LSM5: variants seen among roughly 807,000 people sequenced by gnomAD.
The protein encoded by LSM5 is U6 snRNA-associated Sm-like protein LSm5.
Under a neutral mutation model 13.8 loss-of-function variants are expected in LSM5, and 8 were observed. The ratio of observed to expected loss-of-function variants is 0.58; its 90% CI spans 0.34 to 1.04. LSM5 has a LOEUF of 1.04. LSM5 is among the 50% of genes least tolerant of loss of function. LSM5 has a pLI of 0.03. For missense variants in LSM5, 80 were observed against 108.1 expected, an observed-to-expected ratio of 0.74 and a Z score of 1.15; for synonymous variants, 35 against 37.0, an observed-to-expected ratio of 0.95 and a Z score of 0.20.
intron 2 of LSM5, 162 bp downstream of exon 2, chr7:32,489,087 G>A: frequency 1.8e-6 from 1 of 565,152 alleles, no homozygotes; most frequent in Non-Finnish European, 3.2e-6. Flanking sequence ...TTGTTGATAG[G>A]AACTTTACCG....
rs757373313 is a variant in LSM5 at position 32,488,650 on chromosome 7, T to C, written c.145A>G (p.Met49Val). 2 of 1,590,900 alleles carry C rather than the reference T, an allele frequency of 1.3e-6. No homozygotes were observed. Among genetic ancestry groups the C allele is most frequent in the Non-Finnish European group, 1.7e-6 (2 of 1,159,378 alleles). ...AACTCAGTGACATCTTCCAGTACCA[T>C]ATCTGAAATTTGGTGTTAAGAAAAT... ...TLLGFDDFVN[M>V]VLEDVTEFEI... Residue 49 changes from methionine (M) to valine (V), a missense_variant and splice_region_variant, in exon 3 of 5, where the codon ATG (methionine) becomes GTG (valine). Coordinates refer to ENST00000450169, the MANE Select transcript of LSM5 (RefSeq NM_012322.3).
At chr7:32,488,774 A>G in intron 2 of LSM5, 122 bp from the exon 3 acceptor site, 1 of 696,002 alleles carries the variant, frequency 1.4e-6, no homozygotes. Context: ...TCCAGGCTTA[A>G]GTGCAGTGGT....
chr7:32,490,271 A>AT (rs764086696), intron 1 of LSM5, 49 bp downstream of exon 1: 1 of 1,613,954 alleles, frequency 6.2e-7, no homozygotes, highest in Admixed American at 1.7e-5. Context: ...TCGGCCCCCA[A>AT]TCCTGAATGT....
rs1786432218 is a variant in LSM5, at chr7:32,485,942, C to CAAAAAACAAA, written c.*1318_*1319insTTTGTTTTTT. On this transcript the variant is annotated 3_prime_UTR_variant, in exon 5 of 5. Coordinates refer to ENST00000450169, the MANE Select transcript of LSM5 (RefSeq NM_012322.3). ...GCCACTGCATTCCAGTGAGACTCTC[C>CAAAAAACAAA]AAAAAAAAAAAAAAAAAAAAAAAAA... The CAAAAAACAAA allele has an allele frequency of 8.7e-6, 1 of 114,544 alleles. No homozygotes were observed. The highest frequency in any genetic ancestry group is 1.8e-5 in the Non-Finnish European group (1 of 56,022). 7.1% of individuals were successfully genotyped at this position (114,544 alleles called of 1,614,324 possible). A position where few individuals can be genotyped will look rare whatever the true frequency, so the allele number is the denominator to read the frequency against.
chr7:32,487,163 G>A lies in LSM5; in HGVS notation c.*98C>T. ...GCACTTCCCTTTAACGGGAAACTTAGCTTTATGGGATTTAAACATTAGAAA... is the reference window on the plus strand; with the variant it reads ...GCACTTCCCTTTAACGGGAAACTTAACTTTATGGGATTTAAACATTAGAAA... On this transcript the variant is annotated 3_prime_UTR_variant, in exon 5 of 5. Transcript: ENST00000450169. The A allele has an allele frequency of 9.4e-7, 1 of 1,066,928 alleles. No individual in the cohort carries two copies. Among genetic ancestry groups the A allele is most frequent in the Admixed American group, 1.9e-5 (1 of 52,054 alleles). 66.1% of individuals were successfully genotyped at this position (1,066,928 alleles called of 1,614,324 possible).
intron 2 of LSM5, 153 bp downstream of exon 2, chr7:32,489,096 C>T: frequency 1.8e-6 from 1 of 565,346 alleles, no homozygotes; most frequent in Non-Finnish European, 3.2e-6. Flanking sequence ...GGAACTTTAC[C>T]GTCTTTCAAT....
intron 1 of LSM5, chr7:32,489,724 A>G (rs1786530861): frequency 6.8e-6 from 2 of 292,690 alleles, no homozygotes; most frequent in Non-Finnish European, 6.6e-6. Flanking sequence ...CTCTTTAGCT[A>G]GCCTAGCATT....
In LSM5 at chr7:32,490,149, G is replaced by A. The variant is rs1296173634; in HGVS notation, c.46+171C>T. The stretch of plus-strand genomic sequence containing the variant: ...TCCTTGCCTGGAGGAGCCCGACCAC[G>A]TTAAAGAGCAGGTGCGGCCTGCTGT... On this transcript the variant is annotated intron_variant, in intron 1 of 4. Coordinates refer to ENST00000450169, the MANE Select transcript of LSM5 (RefSeq NM_012322.3). 14 of 1,543,436 alleles carry A rather than the reference G, an allele frequency of 9.1e-6. No homozygotes were observed. The South Asian group carries it at 1.6e-4, about 17-fold the overall frequency.
Position 32,490,379 on chromosome 7 carries a change from G to A in LSM5, c.-14C>T, listed in dbSNP as rs1004022954. The A allele has an allele frequency of 6.2e-7, 1 of 1,608,116 alleles. No homozygotes were observed. On this transcript the variant is annotated 5_prime_UTR_variant, in exon 1 of 5. Coordinates refer to ENST00000450169, the MANE Select transcript of LSM5 (RefSeq NM_012322.3). ...GTTAGCCGCCATGGCTACGCCGGAA[G>A]TGGCCTGCCTTCATTGATGGTGGGA...
chr7:32,494,006 G>A (rs985416138), upstream of LSM5, among the ~76,000 whole-genome samples: 1 of 151,152 alleles, frequency 6.6e-6, no homozygotes, highest in African/African-American at 2.4e-5. Flanking sequence ...TCTAATTTTT[G>A]TATTTTGTAC....
At chr7:32,491,167 G>A (rs928273653), upstream of LSM5, among the ~76,000 whole-genome samples, 1 of 152,096 alleles carries the variant, frequency 6.6e-6, no homozygotes, top group Non-Finnish European at 1.5e-5. Flanking sequence ...AGGCCGAGGC[G>A]GGCGGATCAC....
chr7:32,493,847 T>C (rs1786655033), upstream of LSM5, among the ~76,000 whole-genome samples: 1 of 147,192 alleles, frequency 6.8e-6, no homozygotes. Flanking sequence ...GACCCTCTTT[T>C]TATATATATC....
Position 32,487,240 on chromosome 7 carries a change from G to A in LSM5, c.*21C>T. On this transcript the variant is annotated 3_prime_UTR_variant, in exon 5 of 5. Coordinates refer to ENST00000450169, the MANE Select transcript of LSM5 (RefSeq NM_012322.3). ...TCATTATAAGCCAAAACAAAATCTA[G>A]TGTAAGTCAAGGAAACTCATTCACA... 1.2e-6 allele frequency: 2 copies of A among 1,610,992 alleles called. No individual in the cohort carries two copies. Among genetic ancestry groups the A allele is most frequent in the Non-Finnish European group, 1.7e-6 (2 of 1,177,454 alleles).
chr7:32,490,431 T>G, upstream of LSM5: 3 of 1,378,180 alleles, frequency 2.2e-6, no homozygotes, highest in Non-Finnish European at 3.1e-6. Context: ...GCTTCCGCTT[T>G]TTCCGCAGCC....
At chr7:32,491,397 C>CAA (rs11393390), upstream of LSM5, among the ~76,000 whole-genome samples, 3,324 of 97,396 alleles carry the variant, frequency 0.034, 167 homozygotes, top group East Asian at 0.13. Flanking sequence ...AACTCCATCT[C>CAA]AAAAAAAAAA....
rs1217914220 is a variant in LSM5, at chr7:32,486,186, C to A, written c.*1075G>T. On this transcript the variant is annotated 3_prime_UTR_variant, in exon 5 of 5. Transcript: ENST00000450169. ...TAGAAAAATACAAATGTATAAAGAT[C>A]TAGTTAGACTACTGTGGCCAGTAAG... 1 of 152,040 alleles carries A rather than the reference C, an allele frequency of 6.6e-6. No individual in the cohort carries two copies. The highest frequency in any genetic ancestry group is 2.4e-5 in the African/African-American group (1 of 41,398). The allele number at this position is 152,040 out of a possible 1,614,324, so 9.4% of individuals were successfully genotyped here. A position where few individuals can be genotyped will look rare whatever the true frequency, so the allele number is the denominator to read the frequency against.
intron 3 of LSM5, 27 bp downstream of exon 3, chr7:32,488,598 T>TC (rs761841168): frequency 5.3e-6 from 8 of 1,514,952 alleles, no homozygotes; most frequent in Middle Eastern, 1.7e-4. Context: ...AAGAAGAGAT[T>TC]CCCCCCAATT....
chr7:32,491,397 C>CAAAAAAAA (rs11393390), upstream of LSM5, among the ~76,000 whole-genome samples: 1 of 97,908 alleles, frequency 1.0e-5, no homozygotes, highest in Non-Finnish European at 1.9e-5. Flanking sequence ...AACTCCATCT[C>CAAAAAAAA]AAAAAAAAAA....
chr7:32,490,413 A>C (rs989414401), upstream of LSM5: 1 of 1,520,836 alleles, frequency 6.6e-7, no homozygotes, highest in African/African-American at 1.4e-5. Flanking sequence ...GACGACTTTG[A>C]AAAGCGCGCT....
Sources: gnomAD v4.1 joint callset for allele counts (sites outside exome capture counted in the v4.1 genomes callset) on GRCh38, gnomAD v4.1.1 for gene constraint, MANE v1.5 for transcripts, NCBI Gene and HGNC (gene_info 2026-07-23, HGNC 2026-07-21) for gene names.